Variants in CDC73 observed in about 807,000 individuals in gnomAD.
CDC73 encodes parafibromin.
Under a neutral mutation model 83.7 loss-of-function variants are expected in CDC73, and 21 were observed. The observed-to-expected ratio is 0.25, with a 90% CI of 0.18 to 0.36. CDC73 has a LOEUF of 0.36. Among genes scored for constraint, CDC73 ranks in the 10% least tolerant of loss-of-function variants. The pLI, the probability that CDC73 is intolerant of heterozygous loss-of-function variation, is 1.00. For missense variants in CDC73, 342 were observed against 653.3 expected (o/e 0.52, Z 5.19); for synonymous variants, 224 against 212.9 (o/e 1.05, Z -0.45).
At chr1:193,158,424 G>A (rs184782226) in intron 10 of CDC73, among the ~76,000 whole-genome samples, 1 of 152,070 alleles carries the variant, frequency 6.6e-6, no homozygotes, top group East Asian at 1.9e-4. Context: ...AACTTTGGGA[G>A]GCTGAGGCAG....
chr1:193,182,441 C>G (rs1017832631), intron 10 of CDC73, among the ~76,000 whole-genome samples: 9 of 152,046 alleles, frequency 5.9e-5, no homozygotes, highest in Non-Finnish European at 1.3e-4. Context: ...ATGGCTTTGG[C>G]AGAACACTGT....
chr1:193,167,677 A>G (rs1367268653), intron 10 of CDC73, among the ~76,000 whole-genome samples: 3 of 152,074 alleles, frequency 2.0e-5, no homozygotes, highest in Admixed American at 1.3e-4. Context: ...AATTTTTGTA[A>G]AGAAATTTTG....
intron 10 of CDC73, among the ~76,000 whole-genome samples, chr1:193,194,690 G>A (rs1056661125): frequency 6.6e-6 from 1 of 152,032 alleles, no homozygotes; most frequent in African/African-American, 2.4e-5. Context: ...GCAGTTCTGT[G>A]ATAAAACATT....
intron 10 of CDC73, among the ~76,000 whole-genome samples, chr1:193,187,545 T>A (rs1045006786): frequency 6.6e-6 from 1 of 152,264 alleles, no homozygotes; most frequent in East Asian, 1.9e-4. Flanking sequence ...AAATTTTTTG[T>A]TGTAGTAAAA....
intron 10 of CDC73, among the ~76,000 whole-genome samples, chr1:193,175,923 T>C (rs1676595239): frequency 6.6e-6 from 1 of 152,208 alleles, no homozygotes; most frequent in Non-Finnish European, 1.5e-5. Flanking sequence ...GCTCAGTTAT[T>C]AGCTTTCTCT....
At chr1:193,243,875 G>A (rs1379417081) in intron 15 of CDC73, among the ~76,000 whole-genome samples, 1 of 152,106 alleles carries the variant, frequency 6.6e-6, no homozygotes, top group Non-Finnish European at 1.5e-5. Flanking sequence ...CATTTTAAAT[G>A]TTTATTAAGA....
chr1:193,178,165 G>T (rs991731304), intron 10 of CDC73, among the ~76,000 whole-genome samples: 1 of 152,052 alleles, frequency 6.6e-6, no homozygotes, highest in African/African-American at 2.4e-5. Flanking sequence ...TAAATTAATA[G>T]AATATTTATT....
At chr1:193,208,254 A>G (rs1303747123) in intron 11 of CDC73, among the ~76,000 whole-genome samples, 1 of 152,040 alleles carries the variant, frequency 6.6e-6, no homozygotes, top group Admixed American at 6.5e-5. Context: ...ACCACAACTC[A>G]AGTAGAAACC....
At chr1:193,202,169 A>G (rs1390837350) in intron 10 of CDC73, among the ~76,000 whole-genome samples, 1 of 152,112 alleles carries the variant, frequency 6.6e-6, no homozygotes, top group Non-Finnish European at 1.5e-5. Flanking sequence ...GTTCCTTTTA[A>G]TGGATTCCTA....
chr1:193,147,421 G>A (rs1377441072), intron 7 of CDC73, among the ~76,000 whole-genome samples: 1 of 148,566 alleles, frequency 6.7e-6, no homozygotes, highest in African/African-American at 2.5e-5. Flanking sequence ...AGGCTGGAGT[G>A]CAGTGGCATG....
intron 10 of CDC73, among the ~76,000 whole-genome samples, chr1:193,201,863 T>C (rs1677097607): frequency 6.6e-6 from 1 of 152,124 alleles, no homozygotes; most frequent in South Asian, 2.1e-4. Flanking sequence ...TCACTTTCGG[T>C]TTGTGTAGTT....
At chr1:193,222,847 T>C (rs373535205) in intron 13 of CDC73, among the ~76,000 whole-genome samples, 4 of 151,482 alleles carry the variant, frequency 2.6e-5, no homozygotes, top group East Asian at 3.9e-4. Flanking sequence ...CTTTAGACCT[T>C]CTCATTCTAT....
intron 10 of CDC73, among the ~76,000 whole-genome samples, chr1:193,156,622 T>TC (rs1026513145): frequency 2.6e-5 from 4 of 152,128 alleles, no homozygotes; most frequent in African/African-American, 9.7e-5. Context: ...CATAGCACTC[T>TC]CCCCACCCCA....
At chr1:193,130,339 A>G (rs1003353271) in intron 3 of CDC73, 96 bp downstream of exon 3, 4 of 849,268 alleles carry the variant, frequency 4.7e-6, no homozygotes, top group Admixed American at 3.6e-5. Context: ...TTGTATTTCC[A>G]CCAAAAAATT....
intron 7 of CDC73, among the ~76,000 whole-genome samples, chr1:193,147,129 A>C (rs567506055): frequency 6.6e-6 from 1 of 151,912 alleles, no homozygotes; most frequent in South Asian, 2.1e-4. Context: ...AGTAGCTGAC[A>C]CTATAGGTGT....
At chr1:193,181,566 G>A in intron 10 of CDC73, 1 of 1,574,896 alleles carries the variant, frequency 6.3e-7, no homozygotes. Flanking sequence ...GAAGCATGTT[G>A]TAAATATCCA....
intron 10 of CDC73, among the ~76,000 whole-genome samples, chr1:193,189,489 G>C (rs1007344661): frequency 6.6e-6 from 1 of 152,106 alleles, no homozygotes; most frequent in Non-Finnish European, 1.5e-5. Flanking sequence ...AATGTGACAG[G>C]TTTCTTTTTC....
intron 15 of CDC73, among the ~76,000 whole-genome samples, chr1:193,240,025 T>C (rs894830089): frequency 1.3e-5 from 2 of 152,068 alleles, no homozygotes; most frequent in African/African-American, 4.8e-5. Flanking sequence ...CACACACCCT[T>C]CCAACCCTCT....
intron 14 of CDC73, among the ~76,000 whole-genome samples, chr1:193,234,395 T>G (rs1366689233): frequency 1.4e-5 from 2 of 147,890 alleles, no homozygotes; most frequent in African/African-American, 5.0e-5. Context: ...TAATAGATAC[T>G]TTGAGTAATA....
Sources: allele counts gnomAD v4.1 joint callset (sites outside exome capture counted in the v4.1 genomes callset), GRCh38; gene constraint gnomAD v4.1.1; transcripts MANE v1.5; gene names NCBI Gene and HGNC (gene_info 2026-07-23, HGNC 2026-07-21).